The following CMIP variants were observed in gnomAD, a reference collection of about 807,000 sequenced individuals.
The protein encoded by CMIP is C-Maf-inducing protein.
Under a neutral mutation model 97.3 loss-of-function variants are expected in CMIP, and 13 were observed. That is an observed-to-expected ratio of 0.13 (90% CI 0.09 to 0.21). The LOEUF (loss-of-function observed/expected upper bound fraction) is 0.21. CMIP is among the 10% of genes least tolerant of loss of function. CMIP has a pLI of 1.00. For synonymous variants in CMIP, 538 were observed against 436.3 expected, an observed-to-expected ratio of 1.23 and a Z score of -2.91; for missense variants, 847 against 1,024.9, an observed-to-expected ratio of 0.83 and a Z score of 2.37.
intron 1 of CMIP, among the ~76,000 whole-genome samples, chr16:81,457,274 C>T (rs1386928169): frequency 6.6e-6 from 1 of 152,026 alleles, no homozygotes. Context: ...GCAGCCAGGT[C>T]GCCTTTGCCT....
intron 6 of CMIP, among the ~76,000 whole-genome samples, chr16:81,662,309 G>T (rs1206827763): frequency 2.6e-5 from 4 of 152,186 alleles, no homozygotes; most frequent in African/African-American, 9.6e-5. Flanking sequence ...AGATACACTT[G>T]CCTCACTGTG....
chr16:81,512,128 G>C (rs942835262), intron 1 of CMIP, among the ~76,000 whole-genome samples: 1 of 152,118 alleles, frequency 6.6e-6, no homozygotes, highest in Non-Finnish European at 1.5e-5. Flanking sequence ...TTTAAAATGT[G>C]GCTACTAGAA....
intron 1 of CMIP, among the ~76,000 whole-genome samples, chr16:81,572,200 A>G (rs1597102566): frequency 6.6e-6 from 1 of 152,188 alleles, no homozygotes; most frequent in African/African-American, 2.4e-5. Flanking sequence ...TTGGATCTCA[A>G]GAGTGGTGAT....
At chr16:81,706,589 C>T (rs1392412567) in intron 19 of CMIP, among the ~76,000 whole-genome samples, 4 of 152,224 alleles carry the variant, frequency 2.6e-5, no homozygotes, top group East Asian at 1.9e-4. Flanking sequence ...GCCCCCCGTG[C>T]GACTCCAACA....
chr16:81,480,254 C>T (rs922933458), intron 1 of CMIP, among the ~76,000 whole-genome samples: 28 of 152,276 alleles, frequency 1.8e-4, no homozygotes, highest in African/African-American at 6.0e-4. Context: ...AAATCTCCAT[C>T]TGAGGCCAGG....
chr16:81,645,295 A>T, intron 3 of CMIP: 1 of 1,099,200 alleles, frequency 9.1e-7, no homozygotes, highest in Non-Finnish European at 1.2e-6. Context: ...CTGCAGTGCC[A>T]TGGGCGCGCC....
chr16:81,458,827 C>A (rs570623299), intron 1 of CMIP, among the ~76,000 whole-genome samples: 2 of 152,206 alleles, frequency 1.3e-5, no homozygotes, highest in East Asian at 1.9e-4. Context: ...AGTAGCCACT[C>A]CCTAGGATAA....
intron 4 of CMIP, 61 bp from the exon 5 acceptor site, chr16:81,657,714 C>A: frequency 1.5e-6 from 2 of 1,356,254 alleles, no homozygotes; most frequent in Non-Finnish European, 1.0e-6. Flanking sequence ...AATCCAAATG[C>A]TCGTTTTCTT....
At chr16:81,483,758 C>G (rs1007450614) in intron 1 of CMIP, among the ~76,000 whole-genome samples, 3 of 152,210 alleles carry the variant, frequency 2.0e-5, no homozygotes, top group African/African-American at 7.2e-5. Context: ...GTGTTGGTCA[C>G]TTATGGCTTT....
chr16:81,474,642 G>A (rs1477823868), intron 1 of CMIP, among the ~76,000 whole-genome samples: 3 of 152,210 alleles, frequency 2.0e-5, no homozygotes, highest in Non-Finnish European at 4.4e-5. Flanking sequence ...GCACTTCTGT[G>A]GAAGGGGAAT....
intron 1 of CMIP, among the ~76,000 whole-genome samples, chr16:81,533,148 G>A (rs1459230154): frequency 6.6e-6 from 1 of 152,090 alleles, no homozygotes; most frequent in Non-Finnish European, 1.5e-5. Context: ...TTTCTCCTGA[G>A]CATATGTTAT....
intron 1 of CMIP, among the ~76,000 whole-genome samples, chr16:81,547,695 T>G (rs2090574240): frequency 6.6e-6 from 1 of 152,148 alleles, no homozygotes; most frequent in African/African-American, 2.4e-5. Context: ...TAGTTCAGTG[T>G]ACCCAAGAAA....
intron 2 of CMIP, among the ~76,000 whole-genome samples, chr16:81,612,677 C>A (rs952808216): frequency 6.6e-6 from 1 of 152,186 alleles, no homozygotes; most frequent in Non-Finnish European, 1.5e-5. Context: ...AATTGGGCAG[C>A]GTTTGCCTGG....
intron 1 of CMIP, among the ~76,000 whole-genome samples, chr16:81,565,503 G>C (rs967110073): frequency 1.3e-5 from 2 of 152,198 alleles, no homozygotes; most frequent in Non-Finnish European, 2.9e-5. Flanking sequence ...GCATTGCCAG[G>C]GAGACCATCT....
intron 20 of CMIP, 90 bp from the exon 21 acceptor site, chr16:81,709,656 C>T: frequency 6.9e-7 from 1 of 1,450,838 alleles, no homozygotes; most frequent in Non-Finnish European, 9.6e-7. Context: ...GGCAGAGACC[C>T]CCAGCCGGCA....
intron 1 of CMIP, among the ~76,000 whole-genome samples, chr16:81,538,063 C>T (rs940811740): frequency 1.3e-5 from 2 of 152,274 alleles, no homozygotes; most frequent in Non-Finnish European, 2.9e-5. Flanking sequence ...ATTACACACA[C>T]ACCACAGTCT....
At chr16:81,615,235 ATG>A (rs1045241279) in intron 2 of CMIP, among the ~76,000 whole-genome samples, 3 of 99,526 alleles carry the variant, frequency 3.0e-5, no homozygotes, top group African/African-American at 1.2e-4. Context: ...TGTATGGTGT[ATG>A]TGTGTCTGTG....
chr16:81,473,811 G>GTTTTTT (rs5818337), intron 1 of CMIP, among the ~76,000 whole-genome samples: 2 of 127,100 alleles, frequency 1.6e-5, no homozygotes, highest in African/African-American at 3.0e-5. Context: ...CCACACAGTG[G>GTTTTTT]TTTTTTTTTT....
intron 1 of CMIP, among the ~76,000 whole-genome samples, chr16:81,512,627 C>T (rs1052426446): frequency 6.6e-6 from 1 of 151,968 alleles, no homozygotes; most frequent in East Asian, 1.9e-4. Flanking sequence ...TTTGTAGCAT[C>T]TTCCAAAGGT....
Sources: allele counts gnomAD v4.1 joint callset (sites outside exome capture counted in the v4.1 genomes callset), GRCh38; gene constraint gnomAD v4.1.1; transcripts MANE v1.5; gene names NCBI Gene and HGNC (gene_info 2026-07-23, HGNC 2026-07-21).